PIP5K1C: variants seen among roughly 807,000 people sequenced by gnomAD.
PIP5K1C encodes the protein phosphatidylinositol 4-phosphate 5-kinase type-1 gamma.
A neutral mutation model predicts 80.1 loss-of-function variants in PIP5K1C; 45 were observed. The observed-to-expected ratio is 0.56, with a 90% CI of 0.44 to 0.72. The LOEUF is 0.72. PIP5K1C is among the 30% of genes least tolerant of loss of function. The probability of loss-of-function intolerance (pLI) is 0.00; values close to 1 mark genes in which losing one functional copy is unlikely to be tolerated. For missense variants in PIP5K1C, 753 were observed against 954.6 expected (o/e 0.79, Z 2.78); for synonymous variants, 498 against 420.1 (o/e 1.19, Z -2.27).
At position 3,653,309 on chromosome 19, in the gene PIP5K1C, G is replaced by A. The variant is rs1437749484; in HGVS notation, c.902C>T (p.Thr301Met). Residue 301 changes from threonine to methionine, a missense_variant, in exon 7 of 18, where the codon ACG becomes ATG. Thr to Met is a moderately conservative substitution (Grantham distance 81). Around this residue, in one of 6 missense-constraint regions of PIP5K1C, gnomAD observed 105 missense variants for 133.4 expected, o/e 0.79. Transcript: ENST00000335312. ...DADTFSALVK[T>M]LQRDCLVLES... ...CCTCACCAGGCAGTCCCGCTGCAGC[G>A]TCTTGACCAGGGCGCTGAAGGTGTC... The A allele has an allele frequency of 9.3e-6, 15 of 1,608,998 alleles. No individual in the cohort carries two copies. The highest frequency in any genetic ancestry group is 1.3e-5 in the Non-Finnish European group (15 of 1,179,924).
chr19:3,700,309 C>G lies in PIP5K1C; in HGVS notation c.82G>C (p.Gly28Arg). The G allele has an allele frequency of 7.8e-6, 10 of 1,286,168 alleles. No individual in the cohort carries two copies. The highest frequency in any genetic ancestry group is 9.0e-6 in the Non-Finnish European group (9 of 1,000,362). The allele number at this position is 1,286,168 out of a possible 1,614,324, so 79.7% of individuals were successfully genotyped here. A position where few individuals can be genotyped will look rare whatever the true frequency, so the allele number is the denominator to read the frequency against. Residue 28 changes from glycine to arginine, a missense_variant, in exon 1 of 18, where the codon GGG (glycine) becomes CGG (arginine). Coordinates refer to ENST00000335312, the MANE Select transcript of PIP5K1C (RefSeq NM_012398.3). ...GCCGGGCCGTTACCTGCCGCCGCCC[C>G]GCTCTCTGCCGCCCACGCCGCCTCC... ...PSEAAWAAES[G>R]AAAGLAQKKA...
chr19:3,668,194 G>A (rs190433550), intron 1 of PIP5K1C, among the ~76,000 whole-genome samples: 12 of 152,168 alleles, frequency 7.9e-5, no homozygotes, highest in Admixed American at 3.9e-4. Flanking sequence ...AAGGAGGCTG[G>A]GACGAGGGGA....
intron 1 of PIP5K1C, among the ~76,000 whole-genome samples, chr19:3,697,324 A>AGGAGGACCGAGCTGGACCGG (rs2036152388): frequency 6.7e-6 from 1 of 149,084 alleles, no homozygotes; most frequent in Non-Finnish European, 1.5e-5. Context: ...GGCCGGACGG[A>AGGAGGACCGAGCTGGACCGG]GGAGGACCGA....
chr19:3,636,248 G>A, intron 16 of PIP5K1C: 2 of 332,332 alleles, frequency 6.0e-6, no homozygotes, highest in Non-Finnish European at 8.6e-6. Flanking sequence ...GCCAGCAGCT[G>A]GGCAGACAGG....
intron 1 of PIP5K1C, among the ~76,000 whole-genome samples, chr19:3,695,517 T>C (rs2036075229): frequency 6.6e-6 from 1 of 152,198 alleles, no homozygotes; most frequent in Non-Finnish European, 1.5e-5. Context: ...CATCCCCGGC[T>C]GGCATGCAAT....
At chr19:3,636,135 C>T (rs1047515109) in intron 16 of PIP5K1C, among the ~76,000 whole-genome samples, 7 of 151,964 alleles carry the variant, frequency 4.6e-5, no homozygotes, top group Middle Eastern at 3.4e-3. Flanking sequence ...CCAGCCTGGG[C>T]GACAGAGCAA....
At chr19:3,681,881 C>A (rs549645701) in intron 1 of PIP5K1C, among the ~76,000 whole-genome samples, 1 of 152,198 alleles carries the variant, frequency 6.6e-6, no homozygotes, top group East Asian at 1.9e-4. Flanking sequence ...AGCCCTGGGG[C>A]CTGCGTTTGG....
At chr19:3,643,961 G>T in intron 12 of PIP5K1C, 126 bp downstream of exon 12, 1 of 1,138,470 alleles carries the variant, frequency 8.8e-7, no homozygotes, top group South Asian at 1.4e-5. Flanking sequence ...CTGGGCAGGC[G>T]GCCCTGCAGA....
rs557251610 is a variant in PIP5K1C, at chr19:3,641,122, G to C, written c.1787+583C>G. Among the ~76,000 whole-genome samples the C allele has an allele frequency of 3.3e-5, 5 of 152,032 alleles. 1 individual carries two copies. Among genetic ancestry groups the C allele is most frequent in the Admixed American group, 3.3e-4 (5 of 15,288 alleles). On this transcript the variant is annotated intron_variant, in intron 15 of 17. Transcript: ENST00000335312. Reference sequence around the variant, plus strand: ...CCCAGCTACTCAGGAGGCTGAGGCAGGAGAATCACTTGAACCTGGGAGACG... The same window carrying C: ...CCCAGCTACTCAGGAGGCTGAGGCACGAGAATCACTTGAACCTGGGAGACG...
At chr19:3,676,836 G>A (rs569928886) in intron 1 of PIP5K1C, among the ~76,000 whole-genome samples, 2 of 152,346 alleles carry the variant, frequency 1.3e-5, no homozygotes, top group Admixed American at 6.5e-5. Context: ...TATAAGACCA[G>A]GCGAGGTGGC....
intron 3 of PIP5K1C, among the ~76,000 whole-genome samples, chr19:3,662,791 C>G (rs1354211761): frequency 6.6e-6 from 1 of 152,062 alleles, no homozygotes; most frequent in Non-Finnish European, 1.5e-5. Flanking sequence ...GTCTCGAACT[C>G]CTGACCTCAG....
rs767613521 is a variant in PIP5K1C, at chr19:3,646,053, C to T, written c.1266G>A (p.Thr422=). The change falls in exon 11 of 18, where the codon ACG becomes ACA. Residue 422 remains threonine, a synonymous_variant. Transcript: ENST00000335312. ...TWKALVHDGD[T]VSVHRPSFYA... ...AGAAGCTGGGGCGGTGGACGGACAC[C>T]GTGTCCTGGAAGAGAGTTGGGGGGG... 3.1e-6 allele frequency: 5 copies of T among 1,608,072 alleles called. No homozygotes were observed. The highest frequency in any genetic ancestry group is 1.7e-5 in the Admixed American group (1 of 59,856).
chr19:3,645,816 C>G (rs551625224), intron 11 of PIP5K1C, among the ~76,000 whole-genome samples, 158 bp downstream of exon 11: 205 of 152,310 alleles, frequency 1.3e-3, no homozygotes, highest in African/African-American at 4.3e-3. Context: ...CCCGACTACC[C>G]TACCTCCGGA....
intron 11 of PIP5K1C, among the ~76,000 whole-genome samples, chr19:3,645,226 A>G (rs2034163138): frequency 6.6e-6 from 1 of 152,058 alleles, no homozygotes; most frequent in Admixed American, 6.6e-5. Context: ...GCCCCCCACC[A>G]GACACTTCCC....
chr19:3,681,048 G>A (rs2035574251), intron 1 of PIP5K1C, among the ~76,000 whole-genome samples: 1 of 152,118 alleles, frequency 6.6e-6, no homozygotes, highest in African/African-American at 2.4e-5. Context: ...CTGTTTTAGA[G>A]ACTGGGATGG....
In PIP5K1C at chr19:3,647,322, G is replaced by A. The variant is rs2034273566; in HGVS notation, c.1260+16C>T. On this transcript the variant is annotated intron_variant, in intron 10 of 17. Transcript: ENST00000335312. ...AGGGATGGGAGGAGGAATGGGAGGA[G>A]GGTGCAGGCGCTCACCCCATCGTGG... is the stretch of plus-strand genomic sequence containing the variant. 6.4e-7 allele frequency: 1 copy of A among 1,563,924 alleles called. No homozygotes were observed. Among genetic ancestry groups the A allele is most frequent in the South Asian group, 1.2e-5 (1 of 85,200 alleles).
chr19:3,642,302 A>G (rs2033995648), intron 14 of PIP5K1C, among the ~76,000 whole-genome samples: 2 of 152,238 alleles, frequency 1.3e-5, no homozygotes, highest in Admixed American at 1.3e-4. Context: ...CCCAGTGTTC[A>G]CAAGAGTGAG....
intron 7 of PIP5K1C, among the ~76,000 whole-genome samples, chr19:3,653,045 G>A (rs565463729): frequency 1.3e-5 from 2 of 152,238 alleles, no homozygotes; most frequent in Non-Finnish European, 2.9e-5. Context: ...CTGGGCTCAA[G>A]CCATCTGCCT....
rs559089461 is a variant in PIP5K1C, at chr19:3,683,851, C to T, written c.94+16446G>A. Among the ~76,000 whole-genome samples, 266 of 151,640 alleles carry T rather than the reference C, an allele frequency of 1.8e-3. 1 individual carries two copies. The highest frequency in any genetic ancestry group is 2.9e-3 in the Non-Finnish European group (196 of 67,816). On this transcript the variant is annotated intron_variant, in intron 1 of 17. Coordinates refer to ENST00000335312, the MANE Select transcript of PIP5K1C (RefSeq NM_012398.3). ...AACATCCTGTGCAGAGCACAGCCAG[C>T]CCCCGCTTCCCCTCCCGGGCAGTCC...
Sources: allele counts gnomAD v4.1 joint callset (sites outside exome capture counted in the v4.1 genomes callset), GRCh38; gene constraint gnomAD v4.1.1; regional missense constraint gnomAD v4.1.1; transcripts MANE v1.5; gene names NCBI Gene and HGNC (gene_info 2026-07-23, HGNC 2026-07-21).